The following SIAH1 variants were observed in gnomAD, a reference collection of about 807,000 sequenced individuals.
SIAH1 encodes the protein E3 ubiquitin-protein ligase SIAH1.
A neutral mutation model predicts 20.0 loss-of-function variants in SIAH1; 2 were observed. The ratio of observed to expected loss-of-function variants is 0.10; its 90% CI spans 0.04 to 0.31. The LOEUF is 0.31. Ranked by LOEUF, SIAH1 falls within the 10% of genes least tolerant of loss-of-function variation. The probability of loss-of-function intolerance (pLI) is 1.00; values close to 1 mark genes in which losing one functional copy is unlikely to be tolerated. For synonymous variants in SIAH1, 118 were observed against 125.3 expected (o/e 0.94, Z 0.39); for missense variants, 119 against 355.3 (o/e 0.33, Z 5.35).
intron 1 of SIAH1, among the ~76,000 whole-genome samples, chr16:48,380,467 A>C (rs890120455): frequency 1.5e-4 from 23 of 152,178 alleles, no homozygotes; most frequent in East Asian, 1.4e-3. Flanking sequence ...AACAAACAAA[A>C]AAAAAACAAA....
intron 1 of SIAH1, among the ~76,000 whole-genome samples, chr16:48,380,629 A>G (rs964286130): frequency 6.6e-6 from 1 of 151,930 alleles, no homozygotes; most frequent in African/African-American, 2.4e-5. Flanking sequence ...TAAAACAGTA[A>G]GATACCACTA....
At chr16:48,365,259 G>A (rs1960784715) in intron 1 of SIAH1, 4 of 930,242 alleles carry the variant, frequency 4.3e-6, no homozygotes, top group Non-Finnish European at 6.4e-6. Flanking sequence ...CAGCCCAAAT[G>A]AAACATGACT....
chr16:48,371,918 T>C (rs984661967), intron 1 of SIAH1, among the ~76,000 whole-genome samples: 5 of 152,108 alleles, frequency 3.3e-5, no homozygotes, highest in African/African-American at 1.2e-4. Context: ...ACCTTACTTA[T>C]AAAATTCATG....
At chr16:48,363,679 AC>A (rs1960705380) in intron 1 of SIAH1, 3 of 167,188 alleles carry the variant, frequency 1.8e-5, no homozygotes, top group East Asian at 3.9e-4. Context: ...CAGGTGAAGA[AC>A]CCCTTGCAGC....
chr16:48,362,249 A>G lies in SIAH1; in HGVS notation c.180T>C (p.Leu60=). ...GCTTTGGGCGACAGTTGCTACAAACAAGATGGCCACTCTGACATTGAAGAA... is the reference window on the plus strand; with the variant it reads ...GCTTTGGGCGACAGTTGCTACAAACGAGATGGCCACTCTGACATTGAAGAA... ...PPILQCQSGH[L]VCSNCRPKLT... is the part of the protein sequence containing the mutation. Residue 60 remains leucine, a synonymous_variant, in exon 2 of 2, where the codon CTT becomes CTC. Coordinates refer to ENST00000394725, the MANE Select transcript of SIAH1 (RefSeq NM_003031.4). The surrounding 1 kb of genome is among the most constrained non-coding windows in gnomAD (Gnocchi z 4.2). The G allele has an allele frequency of 6.2e-7, 1 of 1,614,218 alleles. No homozygotes were observed. Among genetic ancestry groups the G allele is most frequent in the African/African-American group, 1.3e-5 (1 of 75,056 alleles).
At chr16:48,380,912 G>A (rs35780015) in intron 1 of SIAH1, among the ~76,000 whole-genome samples, 1 of 31,770 alleles carries the variant, frequency 3.1e-5, no homozygotes, top group Admixed American at 4.6e-4. Flanking sequence ...CTGGGCGACA[G>A]AGTGAGACTC....
chr16:48,376,185 AAT>A (rs1215722465), intron 1 of SIAH1, among the ~76,000 whole-genome samples: 1 of 152,212 alleles, frequency 6.6e-6, no homozygotes, highest in Admixed American at 6.5e-5. Flanking sequence ...GATTATAAAT[AAT>A]AGTTTGGGGG....
At chr16:48,371,774 A>C (rs1034611662) in intron 1 of SIAH1, among the ~76,000 whole-genome samples, 1 of 152,236 alleles carries the variant, frequency 6.6e-6, no homozygotes, top group African/African-American at 2.4e-5. Flanking sequence ...ACATTCAAAT[A>C]CTATTTACCT....
At chr16:48,383,931 G>C (rs913625859) in intron 1 of SIAH1, among the ~76,000 whole-genome samples, 2 of 152,212 alleles carry the variant, frequency 1.3e-5, no homozygotes, top group Non-Finnish European at 2.9e-5. Flanking sequence ...TGAGAACTTA[G>C]TATGGGGCTG....
intron 1 of SIAH1, among the ~76,000 whole-genome samples, chr16:48,374,938 C>T (rs376037119): frequency 1.3e-5 from 2 of 151,944 alleles, no homozygotes; most frequent in South Asian, 2.1e-4. Flanking sequence ...AAGTCACAAA[C>T]GGAAATCAAC....
At chr16:48,383,762 T>A (rs1961358872) in intron 1 of SIAH1, among the ~76,000 whole-genome samples, 1 of 152,208 alleles carries the variant, frequency 6.6e-6, no homozygotes, top group Non-Finnish European at 1.5e-5. Context: ...CTTGTCCTTT[T>A]TAACAACAAA....
At chr16:48,365,164 C>T in intron 1 of SIAH1, 1 of 488,790 alleles carries the variant, frequency 2.0e-6, no homozygotes, top group East Asian at 3.3e-5. Flanking sequence ...CCCAACCACA[C>T]AGGCGCCCTG....
chr16:48,379,290 T>C (rs1002043921), intron 1 of SIAH1, among the ~76,000 whole-genome samples: 5 of 152,296 alleles, frequency 3.3e-5, no homozygotes, highest in Non-Finnish European at 7.3e-5. Flanking sequence ...TAACTGTTCA[T>C]GTACTAATAG....
chr16:48,379,328 C>T (rs565204179), intron 1 of SIAH1, among the ~76,000 whole-genome samples: 1 of 152,298 alleles, frequency 6.6e-6, no homozygotes, highest in South Asian at 2.1e-4. Context: ...GTTCAGTAAT[C>T]TACCCAAAGT....
chr16:48,365,867 A>G, intron 1 of SIAH1: 1 of 1,248,932 alleles, frequency 8.0e-7, no homozygotes, highest in Non-Finnish European at 1.0e-6. Flanking sequence ...GCGCTCCCTG[A>G]GCCAGCTCAA....
intron 1 of SIAH1, among the ~76,000 whole-genome samples, chr16:48,364,444 C>T (rs986207875): frequency 2.4e-4 from 37 of 152,194 alleles, no homozygotes; most frequent in African/African-American, 7.7e-4. Flanking sequence ...ATTAATTCCA[C>T]GTCACTAAAC....
chr16:48,361,416 C>A lies in SIAH1; in HGVS notation c.*164G>T. ...CTTATTTTTAAATATATTAGTGTTA[C>A]TACATGCAACTGTTTCCTGTATTTA... On this transcript the variant is annotated 3_prime_UTR_variant, in exon 2 of 2. Coordinates refer to ENST00000394725, the MANE Select transcript of SIAH1 (RefSeq NM_003031.4). The A allele has an allele frequency of 1.6e-6, 1 of 636,232 alleles. No individual in the cohort carries two copies. Among genetic ancestry groups the A allele is most frequent in the Admixed American group, 2.9e-5 (1 of 34,478 alleles). 39.4% of individuals were successfully genotyped at this position (636,232 alleles called of 1,614,324 possible).
intron 1 of SIAH1, among the ~76,000 whole-genome samples, chr16:48,369,395 A>C (rs1960926202): frequency 6.6e-6 from 1 of 152,224 alleles, no homozygotes. Flanking sequence ...TTCAAAGCAA[A>C]ATACAACACT....
rs745362324 is a variant in SIAH1, at chr16:48,385,313, C to A, written c.-112G>T. 4 of 252,530 alleles carry A rather than the reference C, an allele frequency of 1.6e-5. No individual in the cohort carries two copies. Among genetic ancestry groups the A allele is most frequent in the South Asian group, 1.3e-4 (4 of 31,410 alleles). 15.6% of individuals were successfully genotyped at this position (252,530 alleles called of 1,614,324 possible). On this transcript the variant is annotated 5_prime_UTR_variant, in exon 1 of 2. Coordinates refer to ENST00000394725, the MANE Select transcript of SIAH1 (RefSeq NM_003031.4). ...CGCCTCTTCCCGGCGCCGAGACCGA[C>A]GGGACACCCTGGGCCGCCGCCGCCT... is the stretch of plus-strand genomic sequence containing the variant.
Sources: gnomAD v4.1 joint callset for allele counts (sites outside exome capture counted in the v4.1 genomes callset) on GRCh38, gnomAD v4.1.1 for gene constraint, Gnocchi (gnomAD v3.1) non-coding constraint, MANE v1.5 for transcripts, NCBI Gene and HGNC (gene_info 2026-07-23, HGNC 2026-07-21) for gene names.